COL21A1: variants seen among roughly 807,000 people sequenced by gnomAD.
The protein encoded by COL21A1 is collagen alpha-1(XXI) chain.
COL21A1 carries 149 observed loss-of-function variants against 137.9 expected under a neutral mutation model. That is an observed-to-expected ratio of 1.08 (90% confidence interval 0.95 to 1.24). COL21A1 has a LOEUF of 1.24. COL21A1 is among the 50% of genes most tolerant of loss of function. COL21A1 has a pLI of 0.00. For missense variants in COL21A1, 1,167 were observed against 1,158.4 expected, an observed-to-expected ratio of 1.01 and a Z score of -0.11; for synonymous variants, 456 against 391.5, an observed-to-expected ratio of 1.16 and a Z score of -1.95.
At chr6:56,068,430 G>T (rs1766447942) in intron 22 of COL21A1, among the ~76,000 whole-genome samples, 1 of 151,386 alleles carries the variant, frequency 6.6e-6, no homozygotes, top group African/African-American at 2.4e-5. Flanking sequence ...ACAAATAAAA[G>T]CATATATTAT....
At chr6:56,083,990 A>C (rs2114166056) in intron 17 of COL21A1, among the ~76,000 whole-genome samples, 1 of 152,106 alleles carries the variant, frequency 6.6e-6, no homozygotes, top group East Asian at 1.9e-4. Flanking sequence ...CATTATTAAA[A>C]ATTTATCATG....
intron 5 of COL21A1, 61 bp downstream of exon 5, chr6:56,170,588 T>G: frequency 8.7e-7 from 1 of 1,153,940 alleles, no homozygotes; most frequent in Admixed American, 2.3e-5. Flanking sequence ...CCAACACACA[T>G]AAACCCAATA....
At chr6:56,308,039 T>C (rs899317423) in intron 1 of COL21A1, among the ~76,000 whole-genome samples, 7 of 152,210 alleles carry the variant, frequency 4.6e-5, no homozygotes, top group Non-Finnish European at 7.3e-5. Context: ...TGCAACAATA[T>C]GCATGCTATG....
intron 12 of COL21A1, among the ~76,000 whole-genome samples, chr6:56,129,699 T>TGTGTGTGTGTGTGTGTGTGTGA (rs1450514214): frequency 1.7e-4 from 21 of 120,518 alleles, no homozygotes; most frequent in African/African-American, 5.9e-4. Context: ...TGTGTGTGTG[T>TGTGTGTGTGTGTGTGTGTGTGA]GAGAGAGAGA....
intron 3 of COL21A1, among the ~76,000 whole-genome samples, chr6:56,179,192 G>A (rs997731458): frequency 4.6e-5 from 7 of 151,778 alleles, no homozygotes; most frequent in African/African-American, 9.7e-5. Context: ...AAAAAAACTA[G>A]AATGTAAAGT....
intron 1 of COL21A1, among the ~76,000 whole-genome samples, chr6:56,266,512 T>C (rs982862945): frequency 6.6e-6 from 1 of 152,226 alleles, no homozygotes; most frequent in Non-Finnish European, 1.5e-5. Flanking sequence ...CAACAAAGCT[T>C]AAAATATTTA....
intron 17 of COL21A1, among the ~76,000 whole-genome samples, chr6:56,094,418 G>T (rs978408080): frequency 1.3e-5 from 2 of 151,340 alleles, no homozygotes; most frequent in African/African-American, 2.4e-5. Flanking sequence ...GATGAGAAAG[G>T]CTTTCTCCAC....
intron 1 of COL21A1, among the ~76,000 whole-genome samples, chr6:56,347,516 T>TA (rs1765621786): frequency 2.8e-5 from 3 of 105,470 alleles, no homozygotes; most frequent in Admixed American, 2.1e-4. Context: ...TAGGAAGCAT[T>TA]TAAAAAAAAA....
chr6:56,105,125 G>A (rs1770773514), intron 16 of COL21A1, among the ~76,000 whole-genome samples: 1 of 152,172 alleles, frequency 6.6e-6, no homozygotes, highest in Non-Finnish European at 1.5e-5. Flanking sequence ...CAGGACATTT[G>A]GAAGGTATCA....
intron 1 of COL21A1, among the ~76,000 whole-genome samples, chr6:56,208,239 A>G (rs913156150): frequency 3.3e-5 from 5 of 149,346 alleles, no homozygotes; most frequent in African/African-American, 1.2e-4. Flanking sequence ...ATATGATTGT[A>G]TATTTGGAAA....
At position 56,057,252 on chromosome 6, in the gene COL21A1, A is replaced by G; in HGVS notation, c.*405T>C. 1 of 267,712 alleles carries G rather than the reference A, an allele frequency of 3.7e-6. No individual in the cohort carries two copies. The highest frequency in any genetic ancestry group is 3.7e-5 in the South Asian group (1 of 26,796). The allele number at this position is 267,712 out of a possible 1,614,324, so 16.6% of individuals were successfully genotyped here. On this transcript the variant is annotated 3_prime_UTR_variant, in exon 30 of 30. Coordinates refer to ENST00000244728, the MANE Select transcript of COL21A1 (RefSeq NM_030820.4). ...ATGAGATACATGTTTTGGCTTATGT[A>G]GTAGCATGAGCTATGAGATAGGAAA...
At chr6:56,147,744 T>C (rs1450285613) in intron 10 of COL21A1, among the ~76,000 whole-genome samples, 5 of 152,072 alleles carry the variant, frequency 3.3e-5, no homozygotes, top group Non-Finnish European at 7.4e-5. Context: ...GAGATAAACA[T>C]GGAATAATCT....
At chr6:56,190,642 G>A (rs961619605) in intron 1 of COL21A1, among the ~76,000 whole-genome samples, 1 of 152,114 alleles carries the variant, frequency 6.6e-6, no homozygotes, top group African/African-American at 2.4e-5. Flanking sequence ...AACAAAAAAA[G>A]AAAATTTCAG....
chr6:56,168,051 G>T, intron 6 of COL21A1, 73 bp downstream of exon 6: 1 of 1,016,386 alleles, frequency 9.8e-7, no homozygotes, highest in Non-Finnish European at 1.4e-6. Context: ...GATTAAATGT[G>T]GTGAAAACTA....
At chr6:56,242,067 TG>T (rs1260065592) in intron 1 of COL21A1, among the ~76,000 whole-genome samples, 3 of 152,180 alleles carry the variant, frequency 2.0e-5, no homozygotes, top group Non-Finnish European at 4.4e-5. Flanking sequence ...TGTTCCTCCC[TG>T]TTTTATCTTT....
At chr6:56,130,025 T>G (rs2152220254) in intron 12 of COL21A1, among the ~76,000 whole-genome samples, 1 of 151,382 alleles carries the variant, frequency 6.6e-6, no homozygotes, top group Admixed American at 6.6e-5. Context: ...GTTTTTTGTT[T>G]GCTTGTTTTT....
At chr6:56,365,266 G>A (rs958476350) in intron 1 of COL21A1, among the ~76,000 whole-genome samples, 2 of 151,956 alleles carry the variant, frequency 1.3e-5, no homozygotes, top group African/African-American at 2.4e-5. Flanking sequence ...CTGTATTGTC[G>A]AATATTCCCC....
intron 25 of COL21A1, chr6:56,061,255 T>C: frequency 1.9e-6 from 1 of 538,370 alleles, no homozygotes; most frequent in Non-Finnish European, 3.2e-6. Flanking sequence ...GACCTACAAG[T>C]ATCCACAACT....
chr6:56,248,114 C>A (rs1412513129), upstream of COL21A1, among the ~76,000 whole-genome samples: 1 of 152,208 alleles, frequency 6.6e-6, no homozygotes, highest in Admixed American at 6.5e-5. Context: ...AGGTGACAGC[C>A]TTATGACAAG....
Sources: allele counts gnomAD v4.1 joint callset (sites outside exome capture counted in the v4.1 genomes callset), GRCh38; gene constraint gnomAD v4.1.1; transcripts MANE v1.5; gene names NCBI Gene and HGNC (gene_info 2026-07-23, HGNC 2026-07-21).